GRM7: variants seen among roughly 807,000 people sequenced by gnomAD.
The protein encoded by GRM7 is glutamate metabotropic receptor 7.
Under a neutral mutation model 84.5 loss-of-function variants are expected in GRM7, and 35 were observed. That is an observed-to-expected ratio of 0.41 (90% CI 0.32 to 0.55). GRM7 has a LOEUF of 0.55. Ranked by LOEUF, GRM7 falls within the 20% of genes least tolerant of loss-of-function variation. The pLI, the probability that GRM7 is intolerant of heterozygous loss-of-function variation, is 0.19. For missense variants in GRM7, 1,003 were observed against 1,194.6 expected (o/e 0.84, Z 2.36); for synonymous variants, 487 against 455.1 (o/e 1.07, Z -0.89).
At chr3:7,149,067 T>C (rs12492633) in intron 2 of GRM7, among the ~76,000 whole-genome samples, 54,784 of 151,996 alleles carry the variant, frequency 0.36, 10,355 homozygotes, top group African/African-American at 0.47. Context: ...CCTTCTTTTA[T>C]ACATATTATG....
chr3:7,591,484 C>T (rs1695779202), intron 8 of GRM7: 1 of 444,704 alleles, frequency 2.2e-6, no homozygotes, highest in Non-Finnish European at 4.5e-6. Context: ...ATATCAAAAG[C>T]TTTTAGAATA....
chr3:6,878,941 TA>T (rs1386745195), intron 1 of GRM7, among the ~76,000 whole-genome samples: 1 of 152,136 alleles, frequency 6.6e-6, no homozygotes, highest in East Asian at 1.9e-4. Context: ...GACCACACTT[TA>T]AAAACCCATT....
At chr3:7,335,443 T>C (rs1701380852) in intron 4 of GRM7, among the ~76,000 whole-genome samples, 1 of 151,922 alleles carries the variant, frequency 6.6e-6, no homozygotes, top group Non-Finnish European at 1.5e-5. Context: ...CATTAAATGC[T>C]TACATAAAAA....
intron 2 of GRM7, among the ~76,000 whole-genome samples, chr3:7,247,781 C>T (rs889418267): frequency 6.6e-6 from 1 of 151,650 alleles, no homozygotes; most frequent in Non-Finnish European, 1.5e-5. Flanking sequence ...AAAATAAAAA[C>T]ACAATTCAGT....
rs189128615 is a variant in GRM7 at position 7,316,693 on chromosome 3, G to A, written c.1033+10041G>A. Among the ~76,000 whole-genome samples, 14 of 152,190 alleles carry A rather than the reference G, an allele frequency of 9.2e-5. No individual in the cohort carries two copies. In the East Asian group the frequency reaches 2.7e-3, roughly 29 times the overall value. On this transcript the variant is annotated intron_variant, in intron 4 of 9. Coordinates refer to ENST00000357716, the MANE Select transcript of GRM7 (RefSeq NM_000844.4). ...GGGAACAAACAGCAATGCCAATTCT[G>A]GAGGTGTTAAGTTTGAGATACTTAT...
intron 4 of GRM7, among the ~76,000 whole-genome samples, chr3:7,342,793 G>A (rs1285664387): frequency 6.6e-6 from 1 of 152,102 alleles, no homozygotes; most frequent in Non-Finnish European, 1.5e-5. Flanking sequence ...GTACCATTGT[G>A]GTTGAGATAA....
intron 9 of GRM7, among the ~76,000 whole-genome samples, chr3:7,722,454 T>G (rs1701984263): frequency 6.6e-6 from 1 of 151,870 alleles, no homozygotes; most frequent in Non-Finnish European, 1.5e-5. Context: ...GTGTCTTTTT[T>G]TTTTTTTTTT....
chr3:7,261,902 C>CTCCCTCCCTCCCTTCCTGCCTTCCT (rs1553639174), intron 2 of GRM7, among the ~76,000 whole-genome samples: 1 of 82,852 alleles, frequency 1.2e-5, no homozygotes, highest in Non-Finnish European at 2.2e-5. Flanking sequence ...CCCTCCCTCC[C>CTCCCTCCCTCCCTTCCTGCCTTCCT]TCCCTCCCTC....
intron 1 of GRM7, among the ~76,000 whole-genome samples, chr3:7,083,797 G>A (rs968296843): frequency 5.9e-5 from 9 of 152,064 alleles, no homozygotes; most frequent in Admixed American, 1.3e-4. Flanking sequence ...TGAGTGCTAC[G>A]ACGAAAATCA....
intron 8 of GRM7, among the ~76,000 whole-genome samples, chr3:7,679,833 A>G (rs1184375773): frequency 6.6e-6 from 1 of 152,240 alleles, no homozygotes; most frequent in Non-Finnish European, 1.5e-5. Flanking sequence ...TAGGGCAAGC[A>G]TGTGCATGGA....
At chr3:7,680,666 C>T in intron 9 of GRM7, 1 of 223,284 alleles carries the variant, frequency 4.5e-6, no homozygotes, top group Non-Finnish European at 8.9e-6. Context: ...ACTTAATGAA[C>T]TGTATCGGTG....
At chr3:6,986,301 G>A (rs561060043) in intron 1 of GRM7, among the ~76,000 whole-genome samples, 3 of 152,218 alleles carry the variant, frequency 2.0e-5, no homozygotes, top group Admixed American at 2.0e-4. Flanking sequence ...TATGGTGATG[G>A]TATAACAGGT....
At chr3:7,455,678 A>C (rs1223635702) in intron 6 of GRM7, among the ~76,000 whole-genome samples, 1 of 152,166 alleles carries the variant, frequency 6.6e-6, no homozygotes, top group Non-Finnish European at 1.5e-5. Context: ...TAGATAAAGG[A>C]ACTGTTTCTG....
At position 7,592,412 on chromosome 3, in the gene GRM7, G is replaced by A. The variant is rs140295139; in HGVS notation, c.2451+13055G>A. ...AGGAGATCTAAGAGAAGAGCATTCTGGGTAGAGAGACCAGCAGGTGCTGAG... is the reference window on the plus strand; with the variant it reads ...AGGAGATCTAAGAGAAGAGCATTCTAGGTAGAGAGACCAGCAGGTGCTGAG... On this transcript the variant is annotated intron_variant, in intron 8 of 9. Coordinates refer to ENST00000357716, the MANE Select transcript of GRM7 (RefSeq NM_000844.4). Among the ~76,000 whole-genome samples, 225 of 152,266 alleles carry A rather than the reference G, an allele frequency of 1.5e-3. 1 individual carries two copies. The highest frequency in any genetic ancestry group is 4.8e-3 in the African/African-American group (200 of 41,540).
chr3:6,978,655 G>A (rs1694087185), intron 1 of GRM7, among the ~76,000 whole-genome samples: 1 of 152,130 alleles, frequency 6.6e-6, no homozygotes, highest in Admixed American at 6.6e-5. Flanking sequence ...CTTGATGGGA[G>A]TGAGTGGGGG....
At chr3:7,113,940 TA>T (rs1425336187) in intron 1 of GRM7, among the ~76,000 whole-genome samples, 2 of 152,178 alleles carry the variant, frequency 1.3e-5, no homozygotes, top group Admixed American at 1.3e-4. Flanking sequence ...TTTTGTAGAT[TA>T]AGTAAGTTTT....
intron 1 of GRM7, among the ~76,000 whole-genome samples, chr3:7,037,462 T>C (rs1416092689): frequency 6.6e-6 from 1 of 152,174 alleles, no homozygotes; most frequent in African/African-American, 2.4e-5. Flanking sequence ...ATAATGACAC[T>C]GCATCCAGAA....
At chr3:7,114,973 G>A (rs959344626) in intron 1 of GRM7, among the ~76,000 whole-genome samples, 8 of 152,174 alleles carry the variant, frequency 5.3e-5, no homozygotes, top group East Asian at 1.9e-4. Flanking sequence ...GAAGGAGCTC[G>A]GATGAGGTAG....
At chr3:6,894,224 C>T (rs549642794) in intron 1 of GRM7, among the ~76,000 whole-genome samples, 5 of 152,106 alleles carry the variant, frequency 3.3e-5, no homozygotes, top group Non-Finnish European at 5.9e-5. Flanking sequence ...AGATTAAAAT[C>T]TGTAGCAGAA....
Sources: allele counts gnomAD v4.1 joint callset (sites outside exome capture counted in the v4.1 genomes callset), GRCh38; gene constraint gnomAD v4.1.1; transcripts MANE v1.5; gene names NCBI Gene and HGNC (gene_info 2026-07-23, HGNC 2026-07-21).